The following FGGY variants were observed in gnomAD, a reference collection of about 807,000 sequenced individuals.
FGGY encodes the protein FGGY carbohydrate kinase domain containing, also known as FGGY carbohydrate kinase domain-containing protein.
Under a neutral mutation model 71.3 loss-of-function variants are expected in FGGY, and 72 were observed. The ratio of observed to expected loss-of-function variants is 1.01; its 90% CI spans 0.84 to 1.23. The LOEUF is 1.23. Among genes scored for constraint, FGGY ranks in the 50% most tolerant of loss-of-function variants. The pLI, the probability that FGGY is intolerant of heterozygous loss-of-function variation, is 0.00. For missense variants in FGGY, 668 were observed against 682.3 expected, an observed-to-expected ratio of 0.98 and a Z score of 0.23; for synonymous variants, 251 against 250.3, an observed-to-expected ratio of 1.00 and a Z score of -0.02.
At chr1:59,417,110 G>C (rs142550080) in intron 5 of FGGY, among the ~76,000 whole-genome samples, 1 of 152,104 alleles carries the variant, frequency 6.6e-6, no homozygotes, top group Non-Finnish European at 1.5e-5. Context: ...ATCCGTAGCA[G>C]TAAGTCCTCA....
chr1:59,418,877 C>T (rs2064945144), intron 5 of FGGY, among the ~76,000 whole-genome samples: 1 of 152,122 alleles, frequency 6.6e-6, no homozygotes, highest in Non-Finnish European at 1.5e-5. Context: ...TGGCTGTGTT[C>T]TAATGGAACT....
chr1:59,688,137 C>G (rs2097559987), intron 14 of FGGY, among the ~76,000 whole-genome samples: 1 of 152,200 alleles, frequency 6.6e-6, no homozygotes, highest in African/African-American at 2.4e-5. Flanking sequence ...AGACAAGATT[C>G]AAGTACAAGT....
At chr1:59,586,337 A>T (rs2096286258) in intron 8 of FGGY, among the ~76,000 whole-genome samples, 1 of 152,118 alleles carries the variant, frequency 6.6e-6, no homozygotes, top group African/African-American at 2.4e-5. Flanking sequence ...GCCATAAAAA[A>T]TGAGTTCATG....
At chr1:59,678,394 G>A (rs1480147172) in intron 14 of FGGY, among the ~76,000 whole-genome samples, 1 of 152,138 alleles carries the variant, frequency 6.6e-6, no homozygotes, top group Admixed American at 6.5e-5. Context: ...TAGAAGCTGA[G>A]AGTGTTCCAT....
At chr1:59,416,778 T>C (rs1399900569) in intron 5 of FGGY, among the ~76,000 whole-genome samples, 1 of 152,166 alleles carries the variant, frequency 6.6e-6, no homozygotes, top group Non-Finnish European at 1.5e-5. Flanking sequence ...GAGCAAAACC[T>C]TTCCCAGGAA....
intron 5 of FGGY, among the ~76,000 whole-genome samples, chr1:59,400,117 A>C (rs887640520): frequency 6.6e-6 from 1 of 152,226 alleles, no homozygotes; most frequent in South Asian, 2.1e-4. Flanking sequence ...ACAATCCCTT[A>C]GTCTGGTGTG....
At chr1:59,758,082 G>C in intron 15 of FGGY, 90 bp downstream of exon 15, 6 of 879,974 alleles carry the variant, frequency 6.8e-6, no homozygotes, top group South Asian at 3.6e-5. Context: ...AACTCAGGTG[G>C]TCAACTAATC....
chr1:59,431,312 T>C (rs1226126211), intron 5 of FGGY, among the ~76,000 whole-genome samples: 1 of 152,206 alleles, frequency 6.6e-6, no homozygotes, highest in African/African-American at 2.4e-5. Context: ...TAAGGTCCAA[T>C]GTGATCCAGC....
intron 6 of FGGY, among the ~76,000 whole-genome samples, chr1:59,506,091 T>C (rs2094373294): frequency 6.6e-6 from 1 of 152,094 alleles, no homozygotes; most frequent in African/African-American, 2.4e-5. Flanking sequence ...ATAGGTGAAC[T>C]GCCCTTGGGT....
At chr1:59,518,811 T>G (rs1022677677) in intron 7 of FGGY, among the ~76,000 whole-genome samples, 3 of 152,214 alleles carry the variant, frequency 2.0e-5, no homozygotes, top group African/African-American at 7.2e-5. Context: ...TGCAGAACCT[T>G]GAGCCAATTA....
At chr1:59,434,159 A>G (rs1262006767) in intron 5 of FGGY, among the ~76,000 whole-genome samples, 2 of 152,198 alleles carry the variant, frequency 1.3e-5, no homozygotes, top group African/African-American at 4.8e-5. Context: ...CACCCAAGAA[A>G]ACTCTACAGT....
At chr1:59,719,113 C>T (rs74602076) in intron 14 of FGGY, among the ~76,000 whole-genome samples, 5,582 of 152,310 alleles carry the variant, frequency 0.037, 147 homozygotes, top group South Asian at 0.068. Context: ...GCCACCTTCT[C>T]AAGGGCCTGT....
chr1:59,574,663 GA>G (rs1439110143), intron 8 of FGGY, among the ~76,000 whole-genome samples: 1 of 152,060 alleles, frequency 6.6e-6, no homozygotes, highest in African/African-American at 2.4e-5. Context: ...AAGGAACAAA[GA>G]TAAAAGAAAT....
intron 10 of FGGY, among the ~76,000 whole-genome samples, chr1:59,633,056 G>A (rs1036775179): frequency 6.7e-6 from 1 of 149,454 alleles, no homozygotes; most frequent in Admixed American, 6.7e-5. Context: ...TTTCACCCAG[G>A]CTGGAGTGCA....
At chr1:59,735,111 G>A (rs1462306623) in intron 14 of FGGY, among the ~76,000 whole-genome samples, 1 of 152,166 alleles carries the variant, frequency 6.6e-6, no homozygotes. Context: ...CAGGGGTAGA[G>A]AGAGGGATGG....
At chr1:59,536,356 A>G (rs925348970) in intron 7 of FGGY, among the ~76,000 whole-genome samples, 16 of 152,302 alleles carry the variant, frequency 1.1e-4, no homozygotes, top group African/African-American at 2.4e-4. Flanking sequence ...CAACCAAAAA[A>G]AGTCCAGGAC....
intron 11 of FGGY, among the ~76,000 whole-genome samples, chr1:59,651,203 G>T (rs953027992): frequency 6.6e-6 from 1 of 152,004 alleles, no homozygotes; most frequent in African/African-American, 2.4e-5. Flanking sequence ...GGTGTGGTGC[G>T]GTGCTGAAAA....
At chr1:59,605,924 A>C (rs1391088573) in intron 8 of FGGY, among the ~76,000 whole-genome samples, 3 of 152,150 alleles carry the variant, frequency 2.0e-5, no homozygotes, top group Admixed American at 6.5e-5. Context: ...GACCTGCTGG[A>C]ATACAACTTG....
chr1:59,348,592 T>C, intron 4 of FGGY, among the ~76,000 whole-genome samples: 1 of 152,180 alleles, frequency 6.6e-6, no homozygotes, highest in South Asian at 2.1e-4. Flanking sequence ...CCTGCTGTGA[T>C]TCATTTACTG....
Sources: allele counts gnomAD v4.1 joint callset (sites outside exome capture counted in the v4.1 genomes callset), GRCh38; gene constraint gnomAD v4.1.1; transcripts MANE v1.5; gene names NCBI Gene and HGNC (gene_info 2026-07-23, HGNC 2026-07-21).